Variants in ABCC1 observed in about 807,000 individuals in gnomAD.
The protein encoded by ABCC1 is multidrug resistance-associated protein 1.
ABCC1 carries 83 observed loss-of-function variants against 172.9 expected under a neutral mutation model. The observed-to-expected ratio is 0.48, with a 90% CI of 0.40 to 0.58. The LOEUF (loss-of-function observed/expected upper bound fraction) is 0.58. Ranked by LOEUF, ABCC1 falls within the 20% of genes least tolerant of loss-of-function variation. ABCC1 has a pLI of 0.00. For synonymous variants in ABCC1, 937 were observed against 825.2 expected (o/e 1.14, Z -2.32); for missense variants, 1,817 against 2,002.7 (o/e 0.91, Z 1.77).
chr16:16,037,730 G>A (rs1463932010), intron 7 of ABCC1, among the ~76,000 whole-genome samples: 1 of 152,150 alleles, frequency 6.6e-6, no homozygotes, highest in Non-Finnish European at 1.5e-5. Context: ...CCCAGACCGG[G>A]GTTCTGTTCC....
intron 19 of ABCC1, chr16:16,098,038 A>T (rs996761880): frequency 6.6e-6 from 1 of 152,266 alleles, no homozygotes; most frequent in African/African-American, 2.4e-5. Context: ...AATCACAGAG[A>T]AGGAGCCCCC....
chr16:16,042,441 G>A (rs960565204), intron 7 of ABCC1, among the ~76,000 whole-genome samples: 8 of 152,104 alleles, frequency 5.3e-5, no homozygotes, highest in Admixed American at 1.3e-4. Flanking sequence ...AGTGGCTCAT[G>A]CCCATAATCT....
rs150885815 is a variant in ABCC1 at position 16,124,337 on chromosome 16, G to GTGTGTGTGTGTGTGTGTA, written c.3591-440_3591-439insTGTGTATGTGTGTGTGTG. On this transcript the variant is annotated intron_variant, in intron 24 of 30. Coordinates refer to ENST00000399410, the MANE Select transcript of ABCC1 (RefSeq NM_004996.4). ...GCACTGTGTGTGTGTGTGTGTGTGT[G>GTGTGTGTGTGTGTGTGTA]TGTGTGTGTGTGATTATAGGAGTGA... 1.1e-4 allele frequency among the ~76,000 whole-genome samples: 14 copies of GTGTGTGTGTGTGTGTGTA among 122,810 alleles called. 1 individual carries two copies. Among genetic ancestry groups the GTGTGTGTGTGTGTGTGTA allele is most frequent in the African/African-American group, 3.2e-4 (10 of 30,876 alleles). 80.6% of individuals were successfully genotyped at this position (122,810 alleles called of 152,430 possible). A position where few individuals can be genotyped will look rare whatever the true frequency, so the allele number is the denominator to read the frequency against.
At chr16:16,048,996 A>C (rs992797109) in intron 10 of ABCC1, among the ~76,000 whole-genome samples, 1 of 152,126 alleles carries the variant, frequency 6.6e-6, no homozygotes, top group African/African-American at 2.4e-5. Flanking sequence ...AAAAAAAAAA[A>C]AAGTAGCCTA....
intron 23 of ABCC1, among the ~76,000 whole-genome samples, chr16:16,115,590 A>G (rs562519148): frequency 1.3e-5 from 2 of 152,060 alleles, no homozygotes; most frequent in South Asian, 4.2e-4. Context: ...CAGGTGATCC[A>G]CCCACCTCGA....
intron 10 of ABCC1, among the ~76,000 whole-genome samples, chr16:16,049,415 G>A (rs1312300297): frequency 2.6e-5 from 4 of 152,190 alleles, no homozygotes; most frequent in African/African-American, 9.7e-5. Flanking sequence ...TCCATGTGGA[G>A]AGGGAGAGTT....
At chr16:16,128,442 C>T (rs962936960) in intron 26 of ABCC1, among the ~76,000 whole-genome samples, 1 of 152,158 alleles carries the variant, frequency 6.6e-6, no homozygotes, top group Admixed American at 6.6e-5. Flanking sequence ...AGCCACCACA[C>T]CCGGCCTGAG....
At chr16:16,060,813 C>T (rs867953000) in intron 12 of ABCC1, among the ~76,000 whole-genome samples, 30 of 151,606 alleles carry the variant, frequency 2.0e-4, no homozygotes, top group African/African-American at 4.6e-4. Context: ...TGAGCCACCG[C>T]GCCTGGACTC....
chr16:16,136,795 T>C (rs997860559), intron 29 of ABCC1, 151 bp downstream of exon 29: 1 of 938,264 alleles, frequency 1.1e-6, no homozygotes, highest in Non-Finnish European at 1.6e-6. Flanking sequence ...TCAGTTTCTG[T>C]ATCTGTAAAA....
intron 13 of ABCC1, 86 bp downstream of exon 13, chr16:16,068,388 TCTAGATCACACTCC>T: frequency 6.7e-7 from 1 of 1,497,732 alleles, no homozygotes; most frequent in African/African-American, 1.4e-5. Context: ...GAGCGCAGCC[TCTAGATCACACTCC>T]CGGTCGGGCT....
intron 19 of ABCC1, among the ~76,000 whole-genome samples, chr16:16,091,740 C>T (rs578164598): frequency 2.0e-5 from 3 of 152,302 alleles, no homozygotes; most frequent in African/African-American, 7.2e-5. Context: ...TCCTGCAGGG[C>T]CTTCCAGGTG....
At chr16:16,076,946 G>A (rs2050599625) in intron 15 of ABCC1, among the ~76,000 whole-genome samples, 1 of 152,102 alleles carries the variant, frequency 6.6e-6, no homozygotes, top group Admixed American at 6.6e-5. Flanking sequence ...GTGCTGATTG[G>A]CCAGTCTCAG....
At chr16:15,949,920 C>T in intron 1 of ABCC1, 121 bp downstream of exon 1, 1 of 866,456 alleles carries the variant, frequency 1.2e-6, no homozygotes, top group Non-Finnish European at 1.5e-6. Flanking sequence ...CCTCGGGGGC[C>T]CGGGACCCTC....
rs772229415 is a variant in ABCC1, at chr16:16,102,657, A to C, written c.2675A>C (p.Glu892Ala). The change falls in exon 20 of 31, where the codon GAA (glutamate) becomes GCA (alanine). Residue 892 changes from glutamate (E) to alanine (A), a missense_variant. Coordinates refer to ENST00000399410, the MANE Select transcript of ABCC1 (RefSeq NM_004996.4). ...ACGGGCGTCAGCGGTCCAGGGAAGG[A>C]AGCAAAGCAAATGGAGAATGGCATG... ...GVTGVSGPGK[E>A]AKQMENGMLV... The C allele has an allele frequency of 2.6e-5, 42 of 1,591,070 alleles. No homozygotes were observed. The South Asian group carries it at 4.6e-4, about 17-fold the overall frequency.
chr16:16,040,732 C>T (rs1310078714), intron 7 of ABCC1, among the ~76,000 whole-genome samples: 1 of 152,092 alleles, frequency 6.6e-6, no homozygotes, highest in Non-Finnish European at 1.5e-5. Context: ...AAGCAGTCCT[C>T]CTGCCTCAGC....
At chr16:16,110,950 G>T (rs957595785) in intron 21 of ABCC1, among the ~76,000 whole-genome samples, 3 of 152,184 alleles carry the variant, frequency 2.0e-5, no homozygotes, top group Non-Finnish European at 4.4e-5. Flanking sequence ...GCCCAGGCTG[G>T]AGTGCAGTGG....
intron 15 of ABCC1, among the ~76,000 whole-genome samples, chr16:16,078,373 T>C (rs777338288): frequency 3.0e-4 from 45 of 152,154 alleles, no homozygotes; most frequent in Non-Finnish European, 5.4e-4. Flanking sequence ...GAGCTTATTT[T>C]ATTTTGCTTT....
Position 16,063,649 on chromosome 16 carries a change from G to C in ABCC1, c.1678-4507G>C, listed in dbSNP as rs533520618. Among the ~76,000 whole-genome samples the C allele has an allele frequency of 1.6e-4, 25 of 152,272 alleles. No homozygotes were observed. The South Asian group carries it at 4.8e-3, about 29-fold the overall frequency. ...AGTCTAGAAAAAGACTTTTAAGCAT[G>C]AATGGGGTTCCAGGCATGGCTGGAT... On this transcript the variant is annotated intron_variant, in intron 12 of 30. Coordinates refer to ENST00000399410, the MANE Select transcript of ABCC1 (RefSeq NM_004996.4).
intron 5 of ABCC1, among the ~76,000 whole-genome samples, chr16:16,024,600 C>A (rs193037071): frequency 1.3e-5 from 2 of 152,268 alleles, no homozygotes; most frequent in Admixed American, 6.5e-5. Context: ...TGATGCCCTG[C>A]CTTGGCCTCC....
Sources: gnomAD v4.1 joint callset for allele counts (sites outside exome capture counted in the v4.1 genomes callset) on GRCh38, gnomAD v4.1.1 for gene constraint, MANE v1.5 for transcripts, NCBI Gene and HGNC (gene_info 2026-07-23, HGNC 2026-07-21) for gene names.